The following OSMR variants were observed in gnomAD, a reference collection of about 807,000 sequenced individuals.
OSMR encodes the protein oncostatin-M-specific receptor subunit beta.
In OSMR, 81 loss-of-function variants were observed where a neutral mutation model predicts 99.9. That is an observed-to-expected ratio of 0.81 (90% CI 0.68 to 0.97). OSMR has a LOEUF of 0.97. Ranked by LOEUF, OSMR falls within the 50% of genes least tolerant of loss-of-function variation. OSMR has a pLI of 0.00. For missense variants in OSMR, 1,099 were observed against 1,153.4 expected (o/e 0.95, Z 0.68); for synonymous variants, 406 against 410.4 (o/e 0.99, Z 0.13).
At chr5:38,904,528 C>A in intron 9 of OSMR, 25 bp downstream of exon 9, 1 of 1,614,012 alleles carries the variant, frequency 6.2e-7, no homozygotes, top group Non-Finnish European at 8.5e-7. Flanking sequence ...TGGCATTTAA[C>A]CCAAAGAAGT....
chr5:38,869,941 C>A (rs929439758), intron 2 of OSMR, among the ~76,000 whole-genome samples: 11 of 152,072 alleles, frequency 7.2e-5, no homozygotes, highest in Non-Finnish European at 2.9e-5. Context: ...ATTATCCATG[C>A]AGTTCCTGTC....
At chr5:38,887,381 A>AT (rs766061012) in intron 7 of OSMR, among the ~76,000 whole-genome samples, 148 of 152,232 alleles carry the variant, frequency 9.7e-4, no homozygotes, top group Non-Finnish European at 1.7e-3. Flanking sequence ...TCTGGGATTG[A>AT]TTTTTTTATA....
intron 7 of OSMR, among the ~76,000 whole-genome samples, chr5:38,899,838 G>C (rs1475930096): frequency 6.6e-6 from 1 of 152,138 alleles, no homozygotes; most frequent in Non-Finnish European, 1.5e-5. Flanking sequence ...AGAAGGAAAG[G>C]TTTTCTTTTG....
chr5:38,924,489 AG>A lies in OSMR; in HGVS notation c.1939del (p.Asp647IlefsTer18). The A allele has an allele frequency of 6.2e-7, 1 of 1,614,076 alleles. No homozygotes were observed. The highest frequency in any genetic ancestry group is 8.5e-7 in the Non-Finnish European group (1 of 1,179,896). ...CCCACTCCTTCACTCTGAGTTGGAA[AG>A]ATTACTCTACTGAATCTCAACCTGG... ...TSHSFTLSWK[D>X]YSTESQPGFI... On this transcript the variant is annotated frameshift_variant, in exon 14 of 18. Coordinates refer to ENST00000274276, the MANE Select transcript of OSMR (RefSeq NM_003999.3). LOFTEE classifies it high-confidence loss of function.
chr5:38,905,598 T>A (rs538568980), intron 9 of OSMR, among the ~76,000 whole-genome samples: 1 of 152,314 alleles, frequency 6.6e-6, no homozygotes, highest in African/African-American at 2.4e-5. Flanking sequence ...GGTGCTCTTA[T>A]GATCCTCATT....
At chr5:38,919,308 A>C (rs1432744343) in intron 11 of OSMR, 6 of 1,463,304 alleles carry the variant, frequency 4.1e-6, no homozygotes, top group Non-Finnish European at 1.8e-6. Context: ...TTCAACATAC[A>C]TGGGAAATTA....
In OSMR at chr5:38,901,252, C is replaced by T. The variant is rs118014338; in HGVS notation, c.992-2630C>T. On this transcript the variant is annotated intron_variant, in intron 7 of 17. Transcript: ENST00000274276. ...GTTTGGCAGAACTGTTAGTAAACCA[C>T]GCCAGACCATTGGTAGGCATATTTT... is the stretch of plus-strand genomic sequence containing the variant. Among the ~76,000 whole-genome samples, 294 of 152,292 alleles carry T rather than the reference C, an allele frequency of 1.9e-3. 7 individuals carry two copies. The South Asian group carries it at 0.044, about 23-fold the overall frequency.
chr5:38,937,163 G>A (rs1010981236), downstream of OSMR, among the ~76,000 whole-genome samples: 3 of 152,160 alleles, frequency 2.0e-5, no homozygotes, highest in African/African-American at 7.2e-5. This position sits in a 1 kb window ranked among gnomAD's most constrained non-coding sequence, Gnocchi z 4.0. Flanking sequence ...CCTCCCTGTA[G>A]CTGGGACTAC....
At chr5:38,891,217 G>A (rs1323796928) in intron 7 of OSMR, among the ~76,000 whole-genome samples, 1 of 152,178 alleles carries the variant, frequency 6.6e-6, no homozygotes, top group South Asian at 2.1e-4. Context: ...TAACTCAGAT[G>A]TGCAGAGCAA....
rs1161515809 is a variant in OSMR, at chr5:38,876,345, G to A, written c.218G>A (p.Arg73Lys). The A allele has an allele frequency of 6.2e-7, 1 of 1,613,310 alleles. No homozygotes were observed. Among genetic ancestry groups the A allele is most frequent in the South Asian group, 1.1e-5 (1 of 91,004 alleles). The change falls in exon 3 of 18, where the codon AGG (arginine) becomes AAG (lysine). Residue 73 changes from arginine (R) to lysine (K), a missense_variant. By Grantham distance (26) the Arg-to-Lys change is conservative. Coordinates refer to ENST00000274276, the MANE Select transcript of OSMR (RefSeq NM_003999.3). ...LKMVFQIQIS[R>K]IETSNVIWVG... ...ATGGTATTTCAGATCCAGATCAGTA[G>A]GATTGAAACATCCAATGTCATCTGG... is the stretch of plus-strand genomic sequence containing the variant.
rs1745982434 is a variant in OSMR, at chr5:38,917,606, T to C, written c.1346T>C (p.Val449Ala). ...AGCTTGGAGCCAGGAAATCATACTG[T>C]GACCTTATTCTGGAAGGTAAGATGT... is the stretch of plus-strand genomic sequence containing the variant. ...IVSLEPGNHT[V>A]TLFWKPLSKL... The change falls in exon 10 of 18, where the codon GTG becomes GCG. Residue 449 changes from valine (V) to alanine (A), a missense_variant. By Grantham distance (64) the Val-to-Ala change is moderately conservative. Transcript: ENST00000274276. 2.5e-6 allele frequency: 4 copies of C among 1,613,118 alleles called. No homozygotes were observed. Among genetic ancestry groups the C allele is most frequent in the East Asian group, 4.5e-5 (2 of 44,852 alleles).
chr5:38,862,287 G>C (rs1215439534), intron 1 of OSMR, among the ~76,000 whole-genome samples: 1 of 99,722 alleles, frequency 1.0e-5, no homozygotes, highest in Non-Finnish European at 2.0e-5. Flanking sequence ...CTGGCTGGGC[G>C]GGGGGCTGAC....
intron 1 of OSMR, among the ~76,000 whole-genome samples, chr5:38,861,877 ACC>A (rs1403637633): frequency 1.1e-5 from 1 of 93,622 alleles, no homozygotes; most frequent in East Asian, 4.1e-4. Flanking sequence ...CGGGGGGCTG[ACC>A]CCCCCACCTC....
At chr5:38,888,327 G>A (rs990836866) in intron 7 of OSMR, among the ~76,000 whole-genome samples, 11 of 151,940 alleles carry the variant, frequency 7.2e-5, no homozygotes, top group African/African-American at 1.2e-4. Context: ...GGCACATGTT[G>A]GGGCAAGGAA....
intron 1 of OSMR, among the ~76,000 whole-genome samples, chr5:38,853,192 G>A (rs1408676544): frequency 6.6e-6 from 1 of 151,972 alleles, no homozygotes; most frequent in African/African-American, 2.4e-5. Context: ...ATTTAATCTA[G>A]TACTTTTAAT....
Position 38,904,047 on chromosome 5 carries a change from T to A in OSMR, c.1134+23T>A. ...CAAGTAAGAACCCTGCTTAATTTTC[T>A]ATTTTCAAAAATTCTTTTTTTGTCC... On this transcript the variant is annotated intron_variant, in intron 8 of 17. Transcript: ENST00000274276. 2.5e-6 allele frequency: 4 copies of A among 1,612,590 alleles called. No individual in the cohort carries two copies. In the South Asian group the frequency reaches 4.4e-5, roughly 18 times the overall value.
intron 13 of OSMR, chr5:38,924,193 A>C (rs1178947543): frequency 2.6e-6 from 1 of 384,584 alleles, no homozygotes; most frequent in Admixed American, 6.4e-5. Context: ...CTGGGTGTCC[A>C]TTCTTCATCT....
chr5:38,885,885 G>A (rs1032572174), intron 6 of OSMR, 154 bp from the exon 7 acceptor site: 10 of 985,088 alleles, frequency 1.0e-5, no homozygotes, highest in East Asian at 1.1e-4. Context: ...CAATATTTTC[G>A]TTATTGGTAT....
rs528089353 is a variant in OSMR at position 38,884,643 on chromosome 5, G to T, written c.703+532G>T. 2.2e-4 allele frequency among the ~76,000 whole-genome samples: 34 copies of T among 152,314 alleles called. 1 individual carries two copies. The highest frequency in any genetic ancestry group is 6.0e-4 in the African/African-American group (25 of 41,572). ...GTAGTGCCTAGCCCCAGTAATAGCT[G>T]CATGCAGTAGGAGATCAGCAAATGG... On this transcript the variant is annotated intron_variant, in intron 5 of 17. Coordinates refer to ENST00000274276, the MANE Select transcript of OSMR (RefSeq NM_003999.3).
Sources: gnomAD v4.1 joint callset for allele counts (sites outside exome capture counted in the v4.1 genomes callset) on GRCh38, gnomAD v4.1.1 for gene constraint, Gnocchi (gnomAD v3.1) non-coding constraint, MANE v1.5 for transcripts, NCBI Gene and HGNC (gene_info 2026-07-23, HGNC 2026-07-21) for gene names.